The following ANO7 variants were observed in gnomAD, a reference collection of about 807,000 sequenced individuals.
ANO7 encodes anoctamin 7, also known as anoctamin-7.
In ANO7, 114 loss-of-function variants were observed where a neutral mutation model predicts 115.8. The observed-to-expected ratio is 0.98, with a 90% confidence interval of 0.85 to 1.15. The LOEUF (loss-of-function observed/expected upper bound fraction) is 1.15. Ranked by LOEUF, ANO7 falls within the 50% of genes most tolerant of loss-of-function variation. The probability of loss-of-function intolerance (pLI) is 0.00; values close to 1 mark genes in which losing one functional copy is unlikely to be tolerated. For synonymous variants in ANO7, 550 were observed against 498.2 expected, an observed-to-expected ratio of 1.10 and a Z score of -1.38; for missense variants, 1,302 against 1,201.2, an observed-to-expected ratio of 1.08 and a Z score of -1.24.
chr2:241,233,968 A>G, the ANO7 span: 1 of 1,614,158 alleles, frequency 6.2e-7, no homozygotes, highest in Non-Finnish European at 8.5e-7. This position sits in a 1 kb window ranked among gnomAD's most constrained non-coding sequence, Gnocchi z 4.3. Flanking sequence ...TAAAGCCTAC[A>G]AATGAAAGGA....
In ANO7 at chr2:241,200,111, A is replaced by C. The variant is rs952636425; in HGVS notation, c.440A>C (p.Asn147Thr). 9 of 1,612,916 alleles carry C rather than the reference A, an allele frequency of 5.6e-6. No individual in the cohort carries two copies. Among genetic ancestry groups the C allele is most frequent in the Non-Finnish European group, 7.6e-6 (9 of 1,179,978 alleles). The change falls in exon 6 of 25, where the codon AAC becomes ACC. Residue 147 changes from asparagine (N) to threonine (T), a missense_variant. Physicochemically the swap from Asn to Thr is moderately conservative, Grantham distance 65. Coordinates refer to ENST00000674324, the MANE Select transcript of ANO7 (RefSeq NM_001370694.2). ...PLQELPNQAS[N>T]WSAGLLAWLG... ...CAGGAGTTACCCAACCAGGCCTCCA[A>C]CTGGTCGGCCGGCCTGCTGGCATGG...
intron 19 of ANO7, among the ~76,000 whole-genome samples, chr2:241,217,130 G>C (rs112754123): frequency 3.9e-5 from 6 of 152,290 alleles, no homozygotes; most frequent in Non-Finnish European, 8.8e-5. Context: ...AACTGTGCCC[G>C]GCAGGCAGCT....
Position 241,210,344 on chromosome 2 carries a change from T to C in ANO7, c.1409T>C (p.Ile470Thr). 6.2e-7 allele frequency: 1 copy of C among 1,614,056 alleles called. No individual in the cohort carries two copies. Among genetic ancestry groups the C allele is most frequent in the Non-Finnish European group, 8.5e-7 (1 of 1,179,982 alleles). The change falls in exon 14 of 25, where the codon ATC becomes ACC. Residue 470 changes from isoleucine (I) to threonine (T), a missense_variant. By Grantham distance (89) the Ile-to-Thr change is moderately conservative. Transcript: ENST00000674324. ...GTGTCTATCATCCTGTACCGTGCCA[T>C]CATGGCCATCGTGGTGTCCAGGTCG... ...CLVSIILYRA[I>T]MAIVVSRSGN...
chr2:241,191,055 C>A, intron 2 of ANO7, 139 bp from the exon 3 acceptor site: 5 of 956,984 alleles, frequency 5.2e-6, no homozygotes, highest in Middle Eastern at 2.7e-4. Context: ...GCCGAACATT[C>A]TTCTGTGGTC....
At chr2:241,201,038 G>A (rs1374487665) in intron 6 of ANO7, among the ~76,000 whole-genome samples, 1 of 152,214 alleles carries the variant, frequency 6.6e-6, no homozygotes, top group Admixed American at 6.5e-5. Flanking sequence ...AGGGGTTCTG[G>A]GTATCTGGGG....
intron 3 of ANO7, among the ~76,000 whole-genome samples, chr2:241,194,215 T>A (rs1360129278): frequency 6.7e-6 from 1 of 148,534 alleles, no homozygotes; most frequent in Non-Finnish European, 1.5e-5. Context: ...TTTCGTGAGA[T>A]CTTGCACATC....
intron 10 of ANO7, among the ~76,000 whole-genome samples, chr2:241,206,619 C>CAT (rs2068597148): frequency 1.9e-5 from 1 of 52,870 alleles, no homozygotes; most frequent in Non-Finnish European, 3.6e-5. Flanking sequence ...CCCAGGCTGA[C>CAT]AGGTGGACAG....
chr2:241,230,946 TA>T (rs778255938), downstream of ANO7: 3 of 1,611,146 alleles, frequency 1.9e-6, no homozygotes, highest in Admixed American at 1.7e-5. This position sits in a 1 kb window ranked among gnomAD's most constrained non-coding sequence, Gnocchi z 5.0. Flanking sequence ...GTCCTGGGGC[TA>T]AAAAAGGAGA....
intron 15 of ANO7, among the ~76,000 whole-genome samples, chr2:241,211,067 T>C (rs2068709615): frequency 6.6e-6 from 1 of 152,174 alleles, no homozygotes; most frequent in African/African-American, 2.4e-5. Flanking sequence ...GTGGTACAGA[T>C]TGGAGTTGTC....
chr2:241,189,164 C>T (rs538637549), intron 1 of ANO7, among the ~76,000 whole-genome samples: 1 of 152,138 alleles, frequency 6.6e-6, no homozygotes, highest in East Asian at 1.9e-4. Context: ...GAACACCCCA[C>T]AGTCCGTAGT....
chr2:241,232,722 G>A, the ANO7 span, among the ~76,000 whole-genome samples: 12 of 152,208 alleles, frequency 7.9e-5, no homozygotes, highest in African/African-American at 2.9e-4. Flanking sequence ...GTTGAGGCAC[G>A]AGAATCACTT....
intron 10 of ANO7, among the ~76,000 whole-genome samples, chr2:241,207,109 GTCT>G: frequency 1.7e-5 from 2 of 118,070 alleles, no homozygotes; most frequent in African/African-American, 3.5e-5. Context: ...AGTGCTCCCA[GTCT>G]GACAGGTGGA....
At chr2:241,209,156 CA>C (rs1388993693) in intron 11 of ANO7, 128 bp from the exon 12 acceptor site, 1 of 1,211,254 alleles carries the variant, frequency 8.3e-7, no homozygotes, top group Non-Finnish European at 1.1e-6. Flanking sequence ...CTCAAGCAAA[CA>C]AACAAAAAAT....
At chr2:241,222,575 C>A (rs1438756554) in intron 21 of ANO7, among the ~76,000 whole-genome samples, 2 of 152,030 alleles carry the variant, frequency 1.3e-5, no homozygotes, top group African/African-American at 2.4e-5. Context: ...TTTTAACTTG[C>A]AATATTTGGT....
Position 241,225,466 on chromosome 2 carries a change from A to T in ANO7, c.*1313A>T, listed in dbSNP as rs182363159. ...TTTGAACCCGGGAGGCGGAGGTTGT[A>T]GTGAGCTGAGATCTCAACACTGCAC... On this transcript the variant is annotated 3_prime_UTR_variant, in exon 25 of 25. Coordinates refer to ENST00000674324, the MANE Select transcript of ANO7 (RefSeq NM_001370694.2). The T allele has an allele frequency of 6.6e-6, 1 of 152,268 alleles. No homozygotes were observed. Among genetic ancestry groups the T allele is most frequent in the African/African-American group, 2.4e-5 (1 of 41,544 alleles). The allele number at this position is 152,268 out of a possible 1,614,324, so 9.4% of individuals were successfully genotyped here. A position where few individuals can be genotyped will look rare whatever the true frequency, so the allele number is the denominator to read the frequency against.
Position 241,224,211 on chromosome 2 carries a change from C to A in ANO7, c.*58C>A. 6.3e-7 allele frequency: 1 copy of A among 1,586,490 alleles called. No individual in the cohort carries two copies. Among genetic ancestry groups the A allele is most frequent in the Non-Finnish European group, 8.6e-7 (1 of 1,157,872 alleles). ...AGTGGCCCCTCCTGAGCCCTGCGAG[C>A]AGCGTCCTTTTCCTCTTCCCTCAGG... On this transcript the variant is annotated 3_prime_UTR_variant, in exon 25 of 25. Transcript: ENST00000674324.
chr2:241,233,626 T>C, the ANO7 span, among the ~76,000 whole-genome samples: 1 of 152,078 alleles, frequency 6.6e-6, no homozygotes, highest in African/African-American at 2.4e-5. This position sits in a 1 kb window ranked among gnomAD's most constrained non-coding sequence, Gnocchi z 4.3. Context: ...TGATACATAG[T>C]GCCAGAGACC....
At chr2:241,201,686 C>A (rs1013534069) in intron 7 of ANO7, among the ~76,000 whole-genome samples, 1 of 152,234 alleles carries the variant, frequency 6.6e-6, no homozygotes, top group Non-Finnish European at 1.5e-5. Context: ...TGCCCTGCAG[C>A]GTCGGAGGAA....
chr2:241,201,256 A>G lies in ANO7; in HGVS notation c.555-42A>G, dbSNP rs13003246. ...AACCTTCTGCACCGTTCACATGCCC[A>G]CAGCTTCCTCCAAACCTTCTGCACT... On this transcript the variant is annotated intron_variant, in intron 6 of 24. Transcript: ENST00000674324. The G allele has an allele frequency of 4.0e-5, 60 of 1,513,650 alleles. 1 individual carries two copies. Among genetic ancestry groups the G allele is most frequent in the Admixed American group, 2.2e-4 (8 of 36,948 alleles). The allele number at this position is 1,513,650 out of a possible 1,614,324, so 93.8% of individuals were successfully genotyped here. A position where few individuals can be genotyped will look rare whatever the true frequency, so the allele number is the denominator to read the frequency against.
Sources: gnomAD v4.1 joint callset for allele counts (sites outside exome capture counted in the v4.1 genomes callset) on GRCh38, gnomAD v4.1.1 for gene constraint, Gnocchi (gnomAD v3.1) non-coding constraint, MANE v1.5 for transcripts, NCBI Gene and HGNC (gene_info 2026-07-23, HGNC 2026-07-21) for gene names.